Variants in PCDH15 observed in about 807,000 individuals in gnomAD.
The protein encoded by PCDH15 is protocadherin-15.
PCDH15 carries 129 observed loss-of-function variants against 178.5 expected under a neutral mutation model. The observed-to-expected ratio is 0.72, with a 90% CI of 0.63 to 0.84. PCDH15 has a LOEUF of 0.84. PCDH15 is among the 40% of genes least tolerant of loss of function. The probability of loss-of-function intolerance (pLI) is 0.00; values close to 1 mark genes in which losing one functional copy is unlikely to be tolerated. For synonymous variants in PCDH15, 800 were observed against 732.0 expected, an observed-to-expected ratio of 1.09 and a Z score of -1.50; for missense variants, 2,230 against 2,099.9, an observed-to-expected ratio of 1.06 and a Z score of -1.21.
intron 25 of PCDH15, among the ~76,000 whole-genome samples, chr10:53,919,189 TA>T (rs2083786479): frequency 6.6e-6 from 1 of 151,892 alleles, no homozygotes; most frequent in African/African-American, 2.4e-5. Context: ...TTATGTAAAT[TA>T]ATATCTTCCC....
At chr10:55,459,875 TA>T (rs1328074755) in intron 2 of PCDH15, among the ~76,000 whole-genome samples, 1 of 152,006 alleles carries the variant, frequency 6.6e-6, no homozygotes, top group Non-Finnish European at 1.5e-5. Context: ...AAACTTCAAT[TA>T]AAAATATAAC....
chr10:54,582,114 A>G (rs924090015), intron 2 of PCDH15, among the ~76,000 whole-genome samples: 3 of 152,150 alleles, frequency 2.0e-5, no homozygotes, highest in African/African-American at 7.2e-5. Context: ...AATATAAAAA[A>G]ATTTTAAAAA....
chr10:54,599,311 A>G (rs1321223890), intron 2 of PCDH15, among the ~76,000 whole-genome samples: 1 of 152,110 alleles, frequency 6.6e-6, no homozygotes, highest in African/African-American at 2.4e-5. Flanking sequence ...GAACATATGC[A>G]TAGACCAAAA....
chr10:55,238,212 C>T (rs1005735129), intron 1 of PCDH15, among the ~76,000 whole-genome samples: 2 of 146,772 alleles, frequency 1.4e-5, no homozygotes, highest in African/African-American at 2.5e-5. Context: ...CACAGTGGCG[C>T]GATCTCGGCT....
At chr10:55,514,556 G>A (rs1017737288) in intron 2 of PCDH15, among the ~76,000 whole-genome samples, 5 of 152,234 alleles carry the variant, frequency 3.3e-5, no homozygotes, top group Non-Finnish European at 5.9e-5. Context: ...GTAGACAGCC[G>A]TGTAAAAATA....
chr10:54,304,194 A>G (rs1309204324), intron 8 of PCDH15, among the ~76,000 whole-genome samples: 2 of 152,058 alleles, frequency 1.3e-5, no homozygotes, highest in Admixed American at 6.6e-5. Flanking sequence ...CACCCATATC[A>G]TTGTTTCCCG....
At chr10:54,614,050 AT>A (rs1409184368) in intron 2 of PCDH15, among the ~76,000 whole-genome samples, 43 of 152,136 alleles carry the variant, frequency 2.8e-4, no homozygotes, top group Admixed American at 2.6e-3. Flanking sequence ...TGGATAAAAA[AT>A]CATTAGCAAG....
In PCDH15 at chr10:55,207,162, A is replaced by G. The variant is rs185317106; in HGVS notation, c.-155-40511T>C. Among the ~76,000 whole-genome samples, 111 of 152,248 alleles carry G rather than the reference A, an allele frequency of 7.3e-4. 1 individual carries two copies. The highest frequency in any genetic ancestry group is 2.4e-3 in the African/African-American group (98 of 41,502). On this transcript the variant is annotated intron_variant, in intron 1 of 5. Transcript: ENST00000458638. ...TCTCTGAAAAACTTTGTTATTTATT[A>G]AATAGTAATTTAGCACTTACAACAT...
At chr10:54,191,247 A>T (rs2048962637) in intron 11 of PCDH15, among the ~76,000 whole-genome samples, 1 of 152,206 alleles carries the variant, frequency 6.6e-6, no homozygotes. Flanking sequence ...GGAGAAAGAC[A>T]TTATTTTCAA....
At chr10:54,359,501 A>G (rs2795939) in intron 5 of PCDH15, among the ~76,000 whole-genome samples, 6,816 of 152,062 alleles carry the variant, frequency 0.045, 479 homozygotes, top group African/African-American at 0.15. Flanking sequence ...TTGTAAATAG[A>G]CCATTTCCAT....
At chr10:54,676,120 T>A in intron 1 of PCDH15, among the ~76,000 whole-genome samples, 1 of 152,086 alleles carries the variant, frequency 6.6e-6, no homozygotes, top group East Asian at 1.9e-4. Flanking sequence ...AGTATGGAGA[T>A]GTTTGTACAT....
At chr10:53,965,432 T>C (rs1441663831) in intron 21 of PCDH15, among the ~76,000 whole-genome samples, 1 of 152,190 alleles carries the variant, frequency 6.6e-6, no homozygotes, top group Non-Finnish European at 1.5e-5. Flanking sequence ...AGCTGGAAAA[T>C]GCCAAAGTTA....
intron 2 of PCDH15, among the ~76,000 whole-genome samples, chr10:55,344,345 T>C (rs1588936806): frequency 6.6e-6 from 1 of 152,176 alleles, no homozygotes; most frequent in African/African-American, 2.4e-5. Flanking sequence ...AAGAGATTTC[T>C]ATTCTAGCTA....
chr10:54,710,437 T>G (rs10825382), intron 1 of PCDH15, among the ~76,000 whole-genome samples: 71,045 of 151,772 alleles, frequency 0.47, 17,246 homozygotes, highest in Middle Eastern at 0.55. Context: ...GAGCGAAGCA[T>G]TTCTCTCTCA....
intron 7 of PCDH15, among the ~76,000 whole-genome samples, chr10:54,326,733 A>G (rs1325373338): frequency 6.6e-6 from 1 of 152,134 alleles, no homozygotes; most frequent in Non-Finnish European, 1.5e-5. Context: ...GTAGATATCA[A>G]TTTGGTGCCA....
At chr10:55,180,334 C>T (rs1194879790) in intron 1 of PCDH15, among the ~76,000 whole-genome samples, 1 of 152,044 alleles carries the variant, frequency 6.6e-6, no homozygotes, top group Non-Finnish European at 1.5e-5. Flanking sequence ...CTTACAATAC[C>T]TAAAGACCCT....
intron 2 of PCDH15, among the ~76,000 whole-genome samples, chr10:55,157,176 T>C (rs1838913037): frequency 6.6e-6 from 1 of 152,136 alleles, no homozygotes; most frequent in African/African-American, 2.4e-5. Context: ...TAAGAAGACA[T>C]TTATGCATCC....
intron 2 of PCDH15, among the ~76,000 whole-genome samples, chr10:55,466,303 T>C (rs1430186173): frequency 5.3e-5 from 8 of 152,152 alleles, no homozygotes; most frequent in Admixed American, 5.2e-4. Flanking sequence ...TACTTTGGCC[T>C]AACTTTTATG....
intron 8 of PCDH15, among the ~76,000 whole-genome samples, chr10:54,287,235 T>C (rs1002332162): frequency 6.6e-6 from 1 of 152,240 alleles, no homozygotes; most frequent in African/African-American, 2.4e-5. Flanking sequence ...AAAAATAGTT[T>C]AGAAAATTGT....
Sources: gnomAD v4.1 joint callset for allele counts (sites outside exome capture counted in the v4.1 genomes callset) on GRCh38, gnomAD v4.1.1 for gene constraint, MANE v1.5 for transcripts, NCBI Gene and HGNC (gene_info 2026-07-23, HGNC 2026-07-21) for gene names.